Variants in CYS1 observed in about 807,000 individuals in gnomAD.
CYS1 encodes the protein cystin-1.
A neutral mutation model predicts 9.6 loss-of-function variants in CYS1; 5 were observed. That is an observed-to-expected ratio of 0.52 (90% CI 0.27 to 1.10). CYS1 has a LOEUF of 1.10. Among genes scored for constraint, CYS1 ranks in the 50% least tolerant of loss-of-function variants. The pLI, the probability that CYS1 is intolerant of heterozygous loss-of-function variation, is 0.11. For synonymous variants in CYS1, 88 were observed against 95.7 expected, an observed-to-expected ratio of 0.92 and a Z score of 0.47; for missense variants, 221 against 207.9, an observed-to-expected ratio of 1.06 and a Z score of -0.39.
intron 2 of CYS1, among the ~76,000 whole-genome samples, chr2:10,059,320 A>G (rs886422674): frequency 1.3e-5 from 2 of 152,234 alleles, no homozygotes; most frequent in African/African-American, 4.8e-5. Context: ...CAAGCACGTA[A>G]CTTTATTCAT....
chr2:10,079,061 A>G (rs1426939899), intron 1 of CYS1, among the ~76,000 whole-genome samples: 3 of 152,164 alleles, frequency 2.0e-5, no homozygotes. Flanking sequence ...AGCCCTACTC[A>G]CTGCAGCTCG....
chr2:10,076,422 C>A lies in CYS1; in HGVS notation c.318+3484G>T, dbSNP rs4536628. On this transcript the variant is annotated intron_variant, in intron 1 of 2. Transcript: ENST00000381813. The surrounding 1 kb of genome is among the most constrained non-coding windows in gnomAD (Gnocchi z 4.3). ...TTCCTACAAGAGCTGACTGCACCGC[C>A]CTCCTTGTGTCCTATTCTCCATGAA... Among the ~76,000 whole-genome samples the A allele has an allele frequency of 0.73, 111,523 of 151,746 alleles. 41,083 individuals carry two copies. The highest frequency in any genetic ancestry group is 0.8 in the Middle Eastern group (236 of 294).
intron 2 of CYS1, among the ~76,000 whole-genome samples, chr2:10,059,451 C>A (rs550681176): frequency 6.6e-6 from 1 of 152,214 alleles, no homozygotes; most frequent in Non-Finnish European, 1.5e-5. Context: ...AATCCTAGCA[C>A]TTTGGGAGGC....
chr2:10,068,192 A>T (rs557698538), intron 1 of CYS1, among the ~76,000 whole-genome samples: 2 of 152,168 alleles, frequency 1.3e-5, no homozygotes, highest in South Asian at 4.2e-4. Context: ...GTTCTTTTTC[A>T]CATCTTCTAG....
At position 10,074,882 on chromosome 2, in the gene CYS1, C is replaced by T. The variant is rs564237551; in HGVS notation, c.318+5024G>A. On this transcript the variant is annotated intron_variant, in intron 1 of 2. Transcript: ENST00000381813. ...ATCCCAGCACTTTGGGAGGCTGAGG[C>T]GGATGGATCACTTGAGGTCAGAAGT... Among the ~76,000 whole-genome samples, 6 of 152,262 alleles carry T rather than the reference C, an allele frequency of 3.9e-5. 1 individual carries two copies. Among genetic ancestry groups the T allele is most frequent in the African/African-American group, 1.4e-4 (6 of 41,554 alleles).
At chr2:10,079,151 G>C (rs185262457) in intron 1 of CYS1, among the ~76,000 whole-genome samples, 5 of 152,204 alleles carry the variant, frequency 3.3e-5, no homozygotes, top group Middle Eastern at 3.4e-3. Flanking sequence ...CTGTCGCCTG[G>C]GGCTGTCCCT....
chr2:10,058,942 G>T lies in CYS1; in HGVS notation c.388C>A (p.Arg130Ser). The change falls in exon 3 of 3, where the codon CGC becomes AGC. Residue 130 changes from arginine (R) to serine (S), a missense_variant. Arg to Ser is a moderately radical substitution (Grantham distance 110). Coordinates refer to ENST00000381813, the MANE Select transcript of CYS1 (RefSeq NM_001037160.3). ...GNVSEAPGSG[R>S]KKPERPAAIS... Reference sequence around the variant, plus strand: ...GCTGCCGGCCTCTCGGGCTTCTTGCGACCGCTGCCTGGGGCTCTGTGGGTC... The same window carrying T: ...GCTGCCGGCCTCTCGGGCTTCTTGCTACCGCTGCCTGGGGCTCTGTGGGTC... The T allele has an allele frequency of 1.3e-6, 2 of 1,588,812 alleles. No homozygotes were observed. The highest frequency in any genetic ancestry group is 2.3e-5 in the South Asian group (2 of 87,206).
intron 2 of CYS1, among the ~76,000 whole-genome samples, chr2:10,064,118 G>A (rs1262666802): frequency 1.3e-5 from 2 of 152,166 alleles, no homozygotes; most frequent in Admixed American, 1.3e-4. Flanking sequence ...AGCTACTTGG[G>A]AGGCTGAGGC....
chr2:10,067,397 A>C (rs187583807), intron 1 of CYS1, among the ~76,000 whole-genome samples: 1 of 144,606 alleles, frequency 6.9e-6, no homozygotes, highest in Admixed American at 7.6e-5. Flanking sequence ...ATTTTAAAAA[A>C]ATTCTTTTCT....
chr2:10,060,119 G>C (rs747053981), intron 2 of CYS1, among the ~76,000 whole-genome samples: 1 of 152,250 alleles, frequency 6.6e-6, no homozygotes, highest in South Asian at 2.1e-4. Context: ...GCCTCGGAAG[G>C]GGGTGTGCAG....
At chr2:10,078,750 G>T (rs999343066) in intron 1 of CYS1, among the ~76,000 whole-genome samples, 2 of 152,218 alleles carry the variant, frequency 1.3e-5, no homozygotes, top group Non-Finnish European at 2.9e-5. Context: ...GGGCTATGCT[G>T]TGTGGCCTCA....
chr2:10,066,563 C>T (rs919439596), intron 1 of CYS1, among the ~76,000 whole-genome samples: 4 of 152,370 alleles, frequency 2.6e-5, no homozygotes, highest in Middle Eastern at 3.4e-3. Context: ...CACTTGTCTA[C>T]CCGTGCAGTG....
intron 1 of CYS1, among the ~76,000 whole-genome samples, chr2:10,078,354 T>C (rs1472442876): frequency 6.6e-6 from 1 of 152,118 alleles, no homozygotes; most frequent in African/African-American, 2.4e-5. Context: ...CGGTGTGACG[T>C]TCCTAAAACA....
At chr2:10,068,827 C>T (rs1358763148) in intron 1 of CYS1, among the ~76,000 whole-genome samples, 5 of 152,052 alleles carry the variant, frequency 3.3e-5, no homozygotes, top group Non-Finnish European at 7.4e-5. Context: ...TTTGGGAGGC[C>T]GAGGCGGGTG....
chr2:10,077,473 A>T (rs567907333), intron 1 of CYS1, among the ~76,000 whole-genome samples: 1 of 152,324 alleles, frequency 6.6e-6, no homozygotes, highest in Admixed American at 6.5e-5. Context: ...CCAAAATGCT[A>T]GACAGTTATG....
At chr2:10,065,110 T>A (rs992784745) in intron 2 of CYS1, among the ~76,000 whole-genome samples, 5 of 152,122 alleles carry the variant, frequency 3.3e-5, no homozygotes, top group African/African-American at 1.2e-4. Flanking sequence ...CCCGAGACCA[T>A]GCCCCTCCCG....
chr2:10,061,917 A>C (rs1471550514), intron 2 of CYS1, among the ~76,000 whole-genome samples: 1 of 152,150 alleles, frequency 6.6e-6, no homozygotes, highest in Non-Finnish European at 1.5e-5. Flanking sequence ...GATTCTTGGG[A>C]AGTCTCACCA....
intron 2 of CYS1, among the ~76,000 whole-genome samples, chr2:10,060,311 C>T (rs868799887): frequency 6.6e-6 from 1 of 152,248 alleles, no homozygotes; most frequent in Non-Finnish European, 1.5e-5. Context: ...CCTCTGCGAG[C>T]TTGGGGGGCT....
chr2:10,070,159 A>G (rs948762906), intron 1 of CYS1, among the ~76,000 whole-genome samples: 60 of 152,286 alleles, frequency 3.9e-4, no homozygotes, highest in African/African-American at 1.4e-3. Context: ...AAGGGTAAGA[A>G]GGGATCGCGA....
Sources: gnomAD v4.1 joint callset for allele counts (sites outside exome capture counted in the v4.1 genomes callset) on GRCh38, gnomAD v4.1.1 for gene constraint, Gnocchi (gnomAD v3.1) non-coding constraint, MANE v1.5 for transcripts, NCBI Gene and HGNC (gene_info 2026-07-23, HGNC 2026-07-21) for gene names.